The following LRP1B variants were observed in gnomAD, a reference collection of about 807,000 sequenced individuals.
The protein encoded by LRP1B is LDL receptor related protein 1B.
Under a neutral mutation model 556.6 loss-of-function variants are expected in LRP1B, and 217 were observed. The observed-to-expected ratio is 0.39, with a 90% confidence interval of 0.35 to 0.44. The LOEUF (loss-of-function observed/expected upper bound fraction) is 0.44, where lower values mean the gene tolerates loss of function less well. LRP1B is among the 20% of genes least tolerant of loss of function. LRP1B has a pLI of 1.00. For synonymous variants in LRP1B, 2,047 were observed against 1,865.8 expected (o/e 1.10, Z -2.50); for missense variants, 5,053 against 5,620.8 (o/e 0.90, Z 3.23).
At chr2:141,819,180 G>T (rs1696670317) in intron 1 of LRP1B, among the ~76,000 whole-genome samples, 2 of 151,916 alleles carry the variant, frequency 1.3e-5, no homozygotes, top group African/African-American at 4.8e-5. Flanking sequence ...GGAGGTTGCA[G>T]TGAGCTGAGA....
At chr2:141,806,338 G>GT (rs2105698426) in intron 2 of LRP1B, among the ~76,000 whole-genome samples, 1 of 152,076 alleles carries the variant, frequency 6.6e-6, no homozygotes, top group South Asian at 2.1e-4. Context: ...GTAGAAAGAT[G>GT]GTGATTTCCC....
intron 31 of LRP1B, among the ~76,000 whole-genome samples, chr2:140,824,130 A>AG (rs979967876): frequency 1.9e-4 from 2 of 10,632 alleles, no homozygotes; most frequent in African/African-American, 2.6e-4. Flanking sequence ...TTAAAAAAAT[A>AG]AAAAAAAATA....
intron 7 of LRP1B, among the ~76,000 whole-genome samples, chr2:141,079,034 T>G (rs1699861185): frequency 6.6e-6 from 1 of 152,052 alleles, no homozygotes; most frequent in African/African-American, 2.4e-5. Flanking sequence ...TGTATGAAAA[T>G]GTACTATACT....
Position 141,228,286 on chromosome 2 carries a change from T to C in LRP1B, c.850+897A>G, listed in dbSNP as rs535656771. 2.2e-3 allele frequency among the ~76,000 whole-genome samples: 334 copies of C among 152,302 alleles called. 2 individuals carry two copies. Among genetic ancestry groups the C allele is most frequent in the Non-Finnish European group, 3.6e-3 (244 of 68,020 alleles). On this transcript the variant is annotated intron_variant, in intron 6 of 90. Transcript: ENST00000389484. ...GTAAATCATAAATTAAATGGATGCA[T>C]GTTAAAATTATCATTCTTATGGTTT...
chr2:140,621,144 G>A (rs1314518829), intron 41 of LRP1B, among the ~76,000 whole-genome samples: 2 of 151,904 alleles, frequency 1.3e-5, no homozygotes, highest in South Asian at 2.1e-4. Context: ...CACTTTGGGA[G>A]GCCGAGGCAG....
In LRP1B at chr2:140,936,349, AAAAAAAAAAAAAAGAAAGG is replaced by A. The variant is rs1160065030; in HGVS notation, c.3137-13221_3137-13203del. ...AGGGAGACTCCGTCTCAAAAAAAAA[AAAAAAAAAAAAAAGAAAGG>A]AAAAAAGAAAAGAAAAGGAAGAAAA... On this transcript the variant is annotated intron_variant, in intron 20 of 90. Coordinates refer to ENST00000389484, the MANE Select transcript of LRP1B (RefSeq NM_018557.3). Among the ~76,000 whole-genome samples, 13 of 138,678 alleles carry A rather than the reference AAAAAAAAAAAAAAGAAAGG, an allele frequency of 9.4e-5. 1 individual carries two copies. Among genetic ancestry groups the A allele is most frequent in the African/African-American group, 3.7e-4 (13 of 35,446 alleles). 91.0% of individuals were successfully genotyped at this position (138,678 alleles called of 152,430 possible).
chr2:141,041,177 A>C (rs1366921133), intron 11 of LRP1B, among the ~76,000 whole-genome samples: 2 of 152,068 alleles, frequency 1.3e-5, no homozygotes, highest in Non-Finnish European at 2.9e-5. Flanking sequence ...CCTTATGTCA[A>C]TCAAATAGAA....
intron 79 of LRP1B, among the ~76,000 whole-genome samples, chr2:140,332,539 C>G (rs1191944640): frequency 1.3e-5 from 2 of 152,062 alleles, no homozygotes; most frequent in Non-Finnish European, 2.9e-5. Flanking sequence ...CTCGCACATA[C>G]CCTCCTTCTC....
intron 37 of LRP1B, among the ~76,000 whole-genome samples, chr2:140,715,641 G>A (rs1353100656): frequency 6.6e-6 from 1 of 151,962 alleles, no homozygotes; most frequent in African/African-American, 2.4e-5. Flanking sequence ...AGCAAAGAGG[G>A]CTATCAAATG....
intron 7 of LRP1B, among the ~76,000 whole-genome samples, chr2:141,184,150 A>G (rs1681132154): frequency 6.6e-6 from 1 of 152,102 alleles, no homozygotes; most frequent in South Asian, 2.1e-4. Context: ...TTCCACAGAC[A>G]AAAGTAACTA....
At position 140,771,808 on chromosome 2, in the gene LRP1B, C is replaced by T. The variant is rs1252162500; in HGVS notation, c.5501-802G>A. 2.6e-5 allele frequency among the ~76,000 whole-genome samples: 4 copies of T among 152,108 alleles called. No homozygotes were observed. In the South Asian group the frequency reaches 6.2e-4, roughly 24 times the overall value. On this transcript the variant is annotated intron_variant, in intron 33 of 90. Transcript: ENST00000389484. Reference sequence around the variant, plus strand: ...TTTTATTATTCTAGAGCATGCAATGCCATTTACTGGATGTTCAAGCACTGA... The same window carrying T: ...TTTTATTATTCTAGAGCATGCAATGTCATTTACTGGATGTTCAAGCACTGA...
intron 2 of LRP1B, among the ~76,000 whole-genome samples, chr2:141,626,047 G>A (rs888795495): frequency 1.3e-5 from 2 of 151,950 alleles, no homozygotes; most frequent in Non-Finnish European, 2.9e-5. Flanking sequence ...CTATTTAGGG[G>A]TTATAGACAT....
intron 18 of LRP1B, among the ~76,000 whole-genome samples, chr2:140,981,959 T>C (rs1696782660): frequency 6.6e-6 from 1 of 152,210 alleles, no homozygotes. Flanking sequence ...GAATATTGTT[T>C]CTGCCTCACA....
At chr2:141,192,927 A>G (rs1332550105) in intron 6 of LRP1B, among the ~76,000 whole-genome samples, 1 of 151,972 alleles carries the variant, frequency 6.6e-6, no homozygotes, top group Non-Finnish European at 1.5e-5. Flanking sequence ...TGAGAATGAA[A>G]CATTCAGAAA....
chr2:141,657,012 T>C (rs1690036771), intron 2 of LRP1B, among the ~76,000 whole-genome samples: 2 of 152,108 alleles, frequency 1.3e-5, no homozygotes, highest in African/African-American at 4.8e-5. Context: ...TTCTAAGCTC[T>C]TTTGGAACAA....
At chr2:140,326,699 CA>C (rs66927159) in intron 79 of LRP1B, among the ~76,000 whole-genome samples, 17,991 of 138,158 alleles carry the variant, frequency 0.13, 1,141 homozygotes, top group African/African-American at 0.17. Flanking sequence ...CCCCCTGCCT[CA>C]AAAAAAAAAA....
In LRP1B at chr2:140,689,125, T is replaced by C. The variant is rs193148430; in HGVS notation, c.6799+11125A>G. Among the ~76,000 whole-genome samples the C allele has an allele frequency of 4.0e-3, 612 of 152,336 alleles. 4 individuals are homozygous for C. The highest frequency in any genetic ancestry group is 0.013 in the African/African-American group (536 of 41,576). ...GTACAGTGTTAAAGCAAACTAAATA[T>C]GGCCTGAGAAGAACTTCATATTCTA... On this transcript the variant is annotated intron_variant, in intron 41 of 90. Transcript: ENST00000389484.
At chr2:140,985,583 T>G (rs1696895624) in intron 17 of LRP1B, among the ~76,000 whole-genome samples, 1 of 151,836 alleles carries the variant, frequency 6.6e-6, no homozygotes, top group African/African-American at 2.4e-5. Flanking sequence ...GACAACAATA[T>G]TCTGGATGTT....
chr2:140,719,550 T>A (rs1050615567), intron 35 of LRP1B, among the ~76,000 whole-genome samples: 6 of 152,106 alleles, frequency 3.9e-5, no homozygotes, highest in Non-Finnish European at 7.4e-5. Context: ...TTTGTCATAT[T>A]GAACTGAAAT....
Sources: allele counts gnomAD v4.1 joint callset (sites outside exome capture counted in the v4.1 genomes callset), GRCh38; gene constraint gnomAD v4.1.1; transcripts MANE v1.5; gene names NCBI Gene and HGNC (gene_info 2026-07-23, HGNC 2026-07-21).